The following GNAQ variants were observed in gnomAD, a reference collection of about 807,000 sequenced individuals.
The protein encoded by GNAQ is guanine nucleotide-binding protein G(q) subunit alpha.
GNAQ carries 8 observed loss-of-function variants against 43.9 expected under a neutral mutation model. The ratio of observed to expected loss-of-function variants is 0.18; its 90% CI spans 0.11 to 0.33. The LOEUF is 0.33. Among genes scored for constraint, GNAQ ranks in the 10% least tolerant of loss-of-function variants. The pLI is 1.00. For synonymous variants in GNAQ, 155 were observed against 170.7 expected (o/e 0.91, Z 0.71); for missense variants, 158 against 450.8 (o/e 0.35, Z 5.88).
chr9:77,785,127 A>C (rs1826456122), intron 5 of GNAQ, among the ~76,000 whole-genome samples: 1 of 152,186 alleles, frequency 6.6e-6, no homozygotes, highest in Admixed American at 6.5e-5. Context: ...TGCTGTAAGG[A>C]TCTTGAGATG....
intron 5 of GNAQ, among the ~76,000 whole-genome samples, chr9:77,763,026 C>G (rs554280623): frequency 1.8e-4 from 27 of 151,990 alleles, no homozygotes; most frequent in Admixed American, 9.2e-4. Context: ...TATCTGCTGA[C>G]CTTCCCTCCA....
chr9:77,997,656 G>A (rs886687167), intron 1 of GNAQ, among the ~76,000 whole-genome samples: 1 of 152,048 alleles, frequency 6.6e-6, no homozygotes, highest in Non-Finnish European at 1.5e-5. Context: ...AGGCTGCTCC[G>A]CCACATCAAT....
At chr9:77,970,068 A>C (rs1465893230) in intron 1 of GNAQ, among the ~76,000 whole-genome samples, 1 of 151,950 alleles carries the variant, frequency 6.6e-6, no homozygotes, top group Non-Finnish European at 1.5e-5. Flanking sequence ...AAAACACAAA[A>C]ATTAGCCAGG....
At chr9:77,990,080 T>C (rs1196304128) in intron 1 of GNAQ, among the ~76,000 whole-genome samples, 2 of 152,206 alleles carry the variant, frequency 1.3e-5, no homozygotes, top group South Asian at 2.1e-4. Flanking sequence ...GAAAACTCCA[T>C]GACTACATAA....
intron 6 of GNAQ, among the ~76,000 whole-genome samples, chr9:77,727,720 C>A (rs1825419615): frequency 6.6e-6 from 1 of 152,130 alleles, no homozygotes; most frequent in African/African-American, 2.4e-5. Flanking sequence ...ACAAAACAAT[C>A]CTATGAGTTT....
intron 4 of GNAQ, among the ~76,000 whole-genome samples, chr9:77,795,246 C>T (rs1826638308): frequency 1.3e-5 from 2 of 152,098 alleles, no homozygotes; most frequent in African/African-American, 2.4e-5. Context: ...AGGTACAAGA[C>T]GGAGGCCATC....
chr9:77,891,284 T>TG (rs1301929257), intron 2 of GNAQ, among the ~76,000 whole-genome samples: 3 of 152,228 alleles, frequency 2.0e-5, no homozygotes, highest in African/African-American at 7.2e-5. Flanking sequence ...CTCCATCTCT[T>TG]GCTCTCTTTC....
At chr9:77,884,438 A>C (rs1433617237) in intron 2 of GNAQ, among the ~76,000 whole-genome samples, 1 of 152,256 alleles carries the variant, frequency 6.6e-6, no homozygotes, top group Admixed American at 6.5e-5. Context: ...GGCTTATTTC[A>C]AGCGGGAAAA....
chr9:77,728,669 TG>T lies in GNAQ; in HGVS notation c.736-3del, dbSNP rs757232284. Reference sequence around the variant, plus strand: ...AGCCTTGCTTTCCTCCATTCGGTTCTGGAAAAAAAAAAAAAATCAGAAAAAA... The same window carrying T: ...AGCCTTGCTTTCCTCCATTCGGTTCTGAAAAAAAAAAAAAATCAGAAAAAA... On this transcript the variant is annotated splice_polypyrimidine_tract_variant and splice_region_variant and intron_variant, in intron 5 of 6. Transcript: ENST00000286548. 1 of 1,457,866 alleles carries T rather than the reference TG, an allele frequency of 6.9e-7. No homozygotes were observed. Among genetic ancestry groups the T allele is most frequent in the Non-Finnish European group, 9.2e-7 (1 of 1,090,884 alleles). The allele number at this position is 1,457,866 out of a possible 1,614,324, so 90.3% of individuals were successfully genotyped here. A position where few individuals can be genotyped will look rare whatever the true frequency, so the allele number is the denominator to read the frequency against.
intron 2 of GNAQ, among the ~76,000 whole-genome samples, chr9:77,877,653 T>A (rs909216156): frequency 2.0e-5 from 3 of 152,210 alleles, no homozygotes; most frequent in African/African-American, 7.2e-5. Context: ...AAGTATATGA[T>A]CCCATTCTGT....
intron 2 of GNAQ, among the ~76,000 whole-genome samples, chr9:77,818,300 A>T (rs1827053682): frequency 6.6e-6 from 1 of 152,196 alleles, no homozygotes; most frequent in Admixed American, 6.5e-5. Context: ...AATATAATCA[A>T]CCATAATTTG....
At chr9:77,911,560 G>A (rs985012250) in intron 2 of GNAQ, among the ~76,000 whole-genome samples, 2 of 152,108 alleles carry the variant, frequency 1.3e-5, no homozygotes, top group Non-Finnish European at 2.9e-5. Flanking sequence ...CTCATATTGA[G>A]CCACACGAAT....
intron 1 of GNAQ, among the ~76,000 whole-genome samples, chr9:77,980,575 A>C (rs778730299): frequency 6.6e-6 from 1 of 152,160 alleles, no homozygotes. Flanking sequence ...TTATCATATC[A>C]AGATATTTTG....
At chr9:77,976,595 T>G (rs962037988) in intron 1 of GNAQ, among the ~76,000 whole-genome samples, 22 of 152,174 alleles carry the variant, frequency 1.4e-4, no homozygotes, top group Admixed American at 6.5e-5. Context: ...TTTCACCATA[T>G]TGGTCAGGCT....
intron 1 of GNAQ, among the ~76,000 whole-genome samples, chr9:78,027,614 G>C (rs755179373): frequency 8.6e-5 from 13 of 152,038 alleles, no homozygotes; most frequent in Non-Finnish European, 1.5e-4. Context: ...AGCCGGGCGT[G>C]GTGGTGCATG....
At chr9:77,935,712 G>T (rs1407919467) in intron 1 of GNAQ, among the ~76,000 whole-genome samples, 1 of 151,966 alleles carries the variant, frequency 6.6e-6, no homozygotes, top group Non-Finnish European at 1.5e-5. Context: ...GTACCCTATG[G>T]GCTGTTTCAT....
chr9:78,030,886 G>T (rs1331958885), intron 1 of GNAQ, among the ~76,000 whole-genome samples: 1 of 115,682 alleles, frequency 8.6e-6, no homozygotes, highest in African/African-American at 4.0e-5. Context: ...TGTGTGTGTC[G>T]CTGTGTGTGT....
intron 2 of GNAQ, among the ~76,000 whole-genome samples, chr9:77,914,828 C>CA (rs71503232): frequency 0.17 from 16,745 of 98,038 alleles, 1,375 homozygotes; most frequent in African/African-American, 0.27. Flanking sequence ...TTTTGAACAC[C>CA]AAAAAAAAAA....
At chr9:77,879,375 T>C (rs2118057876) in intron 2 of GNAQ, among the ~76,000 whole-genome samples, 1 of 152,216 alleles carries the variant, frequency 6.6e-6, no homozygotes, top group African/African-American at 2.4e-5. Flanking sequence ...ATGATTCTCC[T>C]GCCTCAGCCT....
Sources: gnomAD v4.1 joint callset for allele counts (sites outside exome capture counted in the v4.1 genomes callset) on GRCh38, gnomAD v4.1.1 for gene constraint, MANE v1.5 for transcripts, NCBI Gene and HGNC (gene_info 2026-07-23, HGNC 2026-07-21) for gene names.